BIRC6: variants seen among roughly 807,000 people sequenced by gnomAD.
The protein encoded by BIRC6 is baculoviral IAP repeat containing 6.
BIRC6 carries 98 observed loss-of-function variants against 503.3 expected under a neutral mutation model. The observed-to-expected ratio is 0.19, with a 90% CI of 0.17 to 0.23. The LOEUF (loss-of-function observed/expected upper bound fraction) is 0.23, where lower values mean the gene tolerates loss of function less well. Among genes scored for constraint, BIRC6 ranks in the 10% least tolerant of loss-of-function variants. The probability of loss-of-function intolerance (pLI) is 1.00; values close to 1 mark genes in which losing one functional copy is unlikely to be tolerated. For missense variants in BIRC6, 5,360 were observed against 5,806.0 expected (o/e 0.92, Z 2.50); for synonymous variants, 2,240 against 2,078.7 (o/e 1.08, Z -2.11).
At chr2:32,392,523 T>C (rs912655951) in intron 5 of BIRC6, among the ~76,000 whole-genome samples, 3 of 152,216 alleles carry the variant, frequency 2.0e-5, no homozygotes, top group African/African-American at 7.2e-5. Context: ...CCCAAAGTGC[T>C]GGGATTACAG....
chr2:32,586,272 A>G (rs933108320), intron 66 of BIRC6, among the ~76,000 whole-genome samples: 2 of 151,864 alleles, frequency 1.3e-5, no homozygotes, highest in Admixed American at 6.6e-5. Flanking sequence ...CAACTTAAAA[A>G]AAAATTATAA....
intron 53 of BIRC6, among the ~76,000 whole-genome samples, chr2:32,511,812 T>G (rs1346948629): frequency 6.6e-6 from 1 of 152,244 alleles, no homozygotes; most frequent in Non-Finnish European, 1.5e-5. Flanking sequence ...TTTATTAATA[T>G]CTTTATAAAT....
chr2:32,614,459 G>C (rs1166188984), intron 73 of BIRC6, among the ~76,000 whole-genome samples: 1 of 152,166 alleles, frequency 6.6e-6, no homozygotes, highest in East Asian at 1.9e-4. Context: ...CTGTCACCTG[G>C]AATTTTCCAT....
chr2:32,512,529 TAAAA>T (rs34700690), intron 53 of BIRC6, among the ~76,000 whole-genome samples: 1 of 151,948 alleles, frequency 6.6e-6, no homozygotes, highest in African/African-American at 2.4e-5. Flanking sequence ...AAATTATACT[TAAAA>T]AAAATATGTA....
Position 32,499,934 on chromosome 2 carries a change from T to G in BIRC6, c.8856T>G (p.Asp2952Glu), listed in dbSNP as rs770260220. Residue 2952 changes from aspartate to glutamate, a missense_variant, in exon 46 of 74, where the codon GAT (aspartate) becomes GAG (glutamate). Asp to Glu is a conservative substitution (Grantham distance 45, BLOSUM62 2). This residue lies in a region of BIRC6 where 2,299 missense variants were observed against 2,267.2 expected (regional missense o/e 1.01). Transcript: ENST00000421745. ...ARVSVTTNTT[D>E]SVSDEEKVSG... is the part of the protein sequence containing the mutation. ...TGTCTGTGACCACAAATACAACAGA[T>G]AGTGTTTCAGATGAAGAAAAAGTCT... The G allele has an allele frequency of 6.2e-7, 1 of 1,613,904 alleles. No homozygotes were observed. The highest frequency in any genetic ancestry group is 1.1e-5 in the South Asian group (1 of 91,076).
chr2:32,498,594 T>C (rs559510844), intron 45 of BIRC6, among the ~76,000 whole-genome samples: 1 of 152,154 alleles, frequency 6.6e-6, no homozygotes, highest in Non-Finnish European at 1.5e-5. Flanking sequence ...AGACAGTCTT[T>C]GTTTGTTTTT....
Position 32,482,540 on chromosome 2 carries a change from GAGA to G in BIRC6, c.7659_7661del (p.Lys2553del), listed in dbSNP as rs1369391668. The stretch of plus-strand genomic sequence containing the variant: ...TGTAGCAAAGCCACCAGCAAACACG[GAGA>G]AGAACGGATCACAGACAGTTAGCGT... On this transcript the variant is annotated inframe_deletion, in exon 39 of 74. Coordinates refer to ENST00000421745, the MANE Select transcript of BIRC6 (RefSeq NM_016252.4). 1 of 1,613,944 alleles carries G rather than the reference GAGA, an allele frequency of 6.2e-7. No individual in the cohort carries two copies. Among genetic ancestry groups the G allele is most frequent in the South Asian group, 1.1e-5 (1 of 91,080 alleles).
intron 55 of BIRC6, among the ~76,000 whole-genome samples, chr2:32,516,115 A>C (rs1572748618): frequency 2.0e-5 from 3 of 152,240 alleles, no homozygotes; most frequent in Admixed American, 6.5e-5. Flanking sequence ...GCCTTGAGGC[A>C]TTGTGTTTTT....
chr2:32,466,870 A>G (rs961151233), intron 26 of BIRC6, among the ~76,000 whole-genome samples: 7 of 152,048 alleles, frequency 4.6e-5, no homozygotes, highest in Non-Finnish European at 1.0e-4. Context: ...CTGTAATCCC[A>G]GCGCTTTGGG....
chr2:32,544,552 A>C (rs2057918014), intron 62 of BIRC6, among the ~76,000 whole-genome samples: 1 of 149,194 alleles, frequency 6.7e-6, no homozygotes, highest in East Asian at 2.0e-4. Flanking sequence ...GAAAATTAAT[A>C]TTCCTTATGT....
intron 46 of BIRC6, 43 bp from the exon 47 acceptor site, chr2:32,501,670 T>C: frequency 6.5e-7 from 1 of 1,536,662 alleles, no homozygotes; most frequent in Non-Finnish European, 8.8e-7. Flanking sequence ...TGCGCCTGGC[T>C]GGATATATAT....
rs537389133 is a variant in BIRC6, at chr2:32,618,086, T to G, written c.*182T>G. On this transcript the variant is annotated 3_prime_UTR_variant, in exon 74 of 74. Transcript: ENST00000421745. ...TTTACCTGTACAGGAGTGTAAACTTTTTTGTGCTTTTATTTTTCAATTGTG... is the reference window on the plus strand; with the variant it reads ...TTTACCTGTACAGGAGTGTAAACTTGTTTGTGCTTTTATTTTTCAATTGTG... 3 of 516,438 alleles carry G rather than the reference T, an allele frequency of 5.8e-6. No homozygotes were observed. The highest frequency in any genetic ancestry group is 9.4e-6 in the Non-Finnish European group (3 of 319,816). 32.0% of individuals were successfully genotyped at this position (516,438 alleles called of 1,614,324 possible). A position where few individuals can be genotyped will look rare whatever the true frequency, so the allele number is the denominator to read the frequency against.
chr2:32,369,978 ATATATATGTATG>A (rs2035656302), intron 1 of BIRC6, among the ~76,000 whole-genome samples: 10 of 54,292 alleles, frequency 1.8e-4, no homozygotes, highest in South Asian at 7.7e-4. Flanking sequence ...ATATATATAT[ATATATATGTATG>A]TATGTATGTG....
Position 32,409,662 on chromosome 2 carries a change from A to G in BIRC6, c.1477+3105A>G, listed in dbSNP as rs182119955. ...GGTAGGAAGTTAAAGAAGGGCTCAA[A>G]TTGAAATTTGAGTTTTAAAAGAGTG... On this transcript the variant is annotated intron_variant, in intron 9 of 73. Coordinates refer to ENST00000421745, the MANE Select transcript of BIRC6 (RefSeq NM_016252.4). Among the ~76,000 whole-genome samples the G allele has an allele frequency of 3.9e-5, 6 of 152,314 alleles. No homozygotes were observed. The East Asian group carries it at 1.2e-3, about 29-fold the overall frequency.
chr2:32,422,982 G>T (rs1242164675), intron 10 of BIRC6, among the ~76,000 whole-genome samples: 1 of 152,084 alleles, frequency 6.6e-6, no homozygotes, highest in Non-Finnish European at 1.5e-5. Context: ...TGTTGCCAAG[G>T]CTGGAGTGCA....
chr2:32,460,773 C>T (rs754512295), intron 23 of BIRC6, among the ~76,000 whole-genome samples: 2 of 151,560 alleles, frequency 1.3e-5, no homozygotes, highest in African/African-American at 2.4e-5. Context: ...GTTATTTGGG[C>T]GTTAGATTTT....
At chr2:32,581,474 T>A (rs1478799628) in intron 66 of BIRC6, among the ~76,000 whole-genome samples, 2 of 152,200 alleles carry the variant, frequency 1.3e-5, no homozygotes, top group African/African-American at 2.4e-5. Flanking sequence ...TTTACTTAAA[T>A]TTTTCTTTGC....
intron 31 of BIRC6, 140 bp downstream of exon 31, chr2:32,470,441 C>A: frequency 1.2e-6 from 1 of 832,080 alleles, no homozygotes; most frequent in Non-Finnish European, 1.8e-6. Context: ...TAAGAATGAG[C>A]AACCCTCATG....
chr2:32,565,102 G>A (rs1300387294), intron 65 of BIRC6: 1 of 152,176 alleles, frequency 6.6e-6, no homozygotes, highest in African/African-American at 2.4e-5. Context: ...AGTTTCACTG[G>A]GGATCTGATC....
Sources: gnomAD v4.1 joint callset for allele counts (sites outside exome capture counted in the v4.1 genomes callset) on GRCh38, gnomAD v4.1.1 for gene constraint, gnomAD v4.1.1 regional missense constraint, MANE v1.5 for transcripts, NCBI Gene and HGNC (gene_info 2026-07-23, HGNC 2026-07-21) for gene names.